PGM5: variants seen among roughly 807,000 people sequenced by gnomAD.
PGM5 encodes the protein phosphoglucomutase-like protein 5.
A neutral mutation model predicts 59.2 loss-of-function variants in PGM5; 23 were observed. The observed-to-expected ratio is 0.39, with a 90% confidence interval of 0.28 to 0.55. The LOEUF (loss-of-function observed/expected upper bound fraction) is 0.55, where lower values mean the gene tolerates loss of function less well. Ranked by LOEUF, PGM5 falls within the 20% of genes least tolerant of loss-of-function variation. PGM5 has a pLI of 0.66. For synonymous variants in PGM5, 214 were observed against 286.0 expected, an observed-to-expected ratio of 0.75 and a Z score of 2.54; for missense variants, 574 against 748.3, an observed-to-expected ratio of 0.77 and a Z score of 2.72.
intron 1 of PGM5, among the ~76,000 whole-genome samples, chr9:68,367,531 G>A (rs530728180): frequency 2.9e-4 from 44 of 152,338 alleles, no homozygotes; most frequent in Middle Eastern, 3.4e-3. Context: ...TGTTCAGGGG[G>A]CCTGTTCCTG....
At chr9:68,384,276 A>G (rs1822157475) in intron 2 of PGM5, 122 bp from the exon 3 acceptor site, 3 of 686,386 alleles carry the variant, frequency 4.4e-6, no homozygotes, top group Non-Finnish European at 7.8e-6. Flanking sequence ...ACTGTGAACC[A>G]TTGATCATTG....
At chr9:68,504,438 T>G (rs1278292936) in intron 10 of PGM5, among the ~76,000 whole-genome samples, 1 of 152,136 alleles carries the variant, frequency 6.6e-6, no homozygotes, top group African/African-American at 2.4e-5. Context: ...GGCCCCCTTC[T>G]CCCTCTGACC....
intron 6 of PGM5, chr9:68,405,670 C>CCCTTCTCCCTCCT (rs1554681061): frequency 1.1e-5 from 1 of 92,018 alleles, no homozygotes; most frequent in Admixed American, 1.2e-4. Context: ...TCCCTTCTCC[C>CCCTTCTCCCTCCT]TCCTTCCTTC....
rs2132060758 is a variant in PGM5, at chr9:68,437,985, GAT to G, written c.1044-27107_1044-27106del. 6.6e-6 allele frequency among the ~76,000 whole-genome samples: 1 copy of G among 152,170 alleles called. No homozygotes were observed. The highest frequency in any genetic ancestry group is 2.4e-5 in the African/African-American group (1 of 41,502). On this transcript the variant is annotated intron_variant, in intron 6 of 10. Coordinates refer to ENST00000396396, the MANE Select transcript of PGM5 (RefSeq NM_021965.4). The surrounding 1 kb of genome is among the most constrained non-coding windows in gnomAD (Gnocchi z 4.1). ...TGGCTCATGGAGACATTTACTCTCT[GAT>G]TAGGAACCCAGAGTTCCTGGCCAGG...
chr9:68,514,702 C>T, intron 10 of PGM5, among the ~76,000 whole-genome samples: 1 of 152,168 alleles, frequency 6.6e-6, no homozygotes, highest in East Asian at 1.9e-4. Flanking sequence ...TTATTTCCAC[C>T]TCTGCTTAGC....
intron 6 of PGM5, among the ~76,000 whole-genome samples, chr9:68,412,206 T>G (rs1554681659): frequency 6.6e-6 from 1 of 152,042 alleles, no homozygotes; most frequent in Non-Finnish European, 1.5e-5. Flanking sequence ...GAAGAAGCAC[T>G]CAGTGACTAT....
intron 6 of PGM5, among the ~76,000 whole-genome samples, chr9:68,453,883 G>T (rs962866725): frequency 6.6e-6 from 1 of 152,220 alleles, no homozygotes; most frequent in Admixed American, 6.5e-5. Flanking sequence ...CCTGGGGTTT[G>T]CAGTGGCAGT....
intron 10 of PGM5, among the ~76,000 whole-genome samples, chr9:68,526,417 A>G (rs1218301505): frequency 3.3e-5 from 5 of 152,240 alleles, no homozygotes; most frequent in Non-Finnish European, 7.3e-5. Context: ...CTTCTCTGAC[A>G]TGAACAGAAG....
intron 6 of PGM5, among the ~76,000 whole-genome samples, chr9:68,455,933 C>T (rs1306326122): frequency 6.6e-6 from 1 of 152,192 alleles, no homozygotes; most frequent in Non-Finnish European, 1.5e-5. Context: ...CTTTTGCATT[C>T]TATAATTTGG....
intron 6 of PGM5, among the ~76,000 whole-genome samples, chr9:68,445,731 G>T (rs1823601083): frequency 6.6e-6 from 1 of 152,176 alleles, no homozygotes; most frequent in African/African-American, 2.4e-5. Flanking sequence ...ATGTATTTGG[G>T]CTCAGCAGTG....
intron 10 of PGM5, among the ~76,000 whole-genome samples, chr9:68,518,192 C>T (rs1824850628): frequency 6.6e-6 from 1 of 152,218 alleles, no homozygotes; most frequent in African/African-American, 2.4e-5. Context: ...AGGGTGTAAA[C>T]TTGAAGAAGA....
At chr9:68,454,235 C>T (rs994328852) in intron 6 of PGM5, among the ~76,000 whole-genome samples, 1 of 152,164 alleles carries the variant, frequency 6.6e-6, no homozygotes. Context: ...CAGCCCTATC[C>T]ACACAGATCT....
chr9:68,517,568 T>C (rs1296020920), intron 10 of PGM5, among the ~76,000 whole-genome samples: 1 of 152,152 alleles, frequency 6.6e-6, no homozygotes, highest in African/African-American at 2.4e-5. Context: ...CAATAGAGCA[T>C]GGTGGGCACT....
intron 10 of PGM5, among the ~76,000 whole-genome samples, chr9:68,505,041 T>C (rs1276473231): frequency 1.3e-5 from 2 of 152,184 alleles, no homozygotes; most frequent in Non-Finnish European, 2.9e-5. Flanking sequence ...TCTAAATACA[T>C]CCTTTATCTT....
chr9:68,523,711 G>A (rs1413178346), intron 10 of PGM5, among the ~76,000 whole-genome samples: 2 of 152,106 alleles, frequency 1.3e-5, no homozygotes, highest in African/African-American at 4.8e-5. Flanking sequence ...GATGAACTAT[G>A]GTAATTATCG....
At chr9:68,362,807 A>G (rs1448013189) in intron 1 of PGM5, among the ~76,000 whole-genome samples, 3 of 150,114 alleles carry the variant, frequency 2.0e-5, no homozygotes, top group African/African-American at 7.4e-5. Flanking sequence ...ATCATCTTCA[A>G]TATTGGACAG....
chr9:68,375,730 G>C (rs1311667868), intron 1 of PGM5, among the ~76,000 whole-genome samples: 6 of 152,198 alleles, frequency 3.9e-5, no homozygotes, highest in African/African-American at 1.4e-4. Context: ...ATGTGATCCA[G>C]AAAATTATAG....
At chr9:68,464,907 C>G (rs1200507466) in intron 6 of PGM5, among the ~76,000 whole-genome samples, 186 bp from the exon 7 acceptor site, 2 of 151,950 alleles carry the variant, frequency 1.3e-5, no homozygotes, top group African/African-American at 4.8e-5. Flanking sequence ...AATTGAGAAC[C>G]ATTGAAATGG....
chr9:68,455,962 G>A (rs968817854), intron 6 of PGM5, among the ~76,000 whole-genome samples: 1 of 152,328 alleles, frequency 6.6e-6, no homozygotes, highest in East Asian at 1.9e-4. Context: ...GACTATGGCT[G>A]TTTGTCGCTG....
Sources: gnomAD v4.1 joint callset for allele counts (sites outside exome capture counted in the v4.1 genomes callset) on GRCh38, gnomAD v4.1.1 for gene constraint, Gnocchi (gnomAD v3.1) non-coding constraint, MANE v1.5 for transcripts, NCBI Gene and HGNC (gene_info 2026-07-23, HGNC 2026-07-21) for gene names.